The following MAPRE2 variants were observed in gnomAD, a reference collection of about 807,000 sequenced individuals.
MAPRE2 encodes microtubule associated protein RP/EB family member 2, also known as microtubule-associated protein RP/EB family member 2.
MAPRE2 carries 13 observed loss-of-function variants against 43.2 expected under a neutral mutation model. The ratio of observed to expected loss-of-function variants is 0.30; its 90% CI spans 0.20 to 0.48. The LOEUF is 0.48. MAPRE2 is among the 20% of genes least tolerant of loss of function. MAPRE2 has a pLI of 0.99. For synonymous variants in MAPRE2, 135 were observed against 148.8 expected, an observed-to-expected ratio of 0.91 and a Z score of 0.68; for missense variants, 161 against 400.2, an observed-to-expected ratio of 0.40 and a Z score of 5.10.
intron 6 of MAPRE2, among the ~76,000 whole-genome samples, chr18:35,133,787 A>G (rs1176775217): frequency 1.3e-5 from 2 of 152,184 alleles, no homozygotes; most frequent in Non-Finnish European, 2.9e-5. Flanking sequence ...ATTCCCGGCT[A>G]AGATAGGTGG....
At chr18:35,094,938 A>T (rs1271934150) in intron 2 of MAPRE2, among the ~76,000 whole-genome samples, 1 of 152,156 alleles carries the variant, frequency 6.6e-6, no homozygotes, top group African/African-American at 2.4e-5. Context: ...TATTGTTGTG[A>T]GGGAAAGGGA....
At chr18:35,023,261 C>T (rs1343970395) in intron 2 of MAPRE2, among the ~76,000 whole-genome samples, 1 of 151,790 alleles carries the variant, frequency 6.6e-6, no homozygotes, top group Non-Finnish European at 1.5e-5. Flanking sequence ...ACCTGTAATC[C>T]CAGCACTTTG....
intron 2 of MAPRE2, among the ~76,000 whole-genome samples, chr18:35,035,326 C>T (rs2097049985): frequency 8.0e-6 from 1 of 125,744 alleles, no homozygotes; most frequent in Admixed American, 1.0e-4. Flanking sequence ...AACACATGGA[C>T]AAAGGAGGGG....
intron 1 of MAPRE2, among the ~76,000 whole-genome samples, chr18:34,994,317 T>A (rs1205658137): frequency 1.3e-5 from 2 of 152,192 alleles, no homozygotes; most frequent in African/African-American, 4.8e-5. Context: ...AACAATCTTA[T>A]GAGCACTATT....
chr18:35,016,886 T>C (rs1188434609), intron 2 of MAPRE2, among the ~76,000 whole-genome samples: 4 of 152,080 alleles, frequency 2.6e-5, no homozygotes, highest in Non-Finnish European at 5.9e-5. Context: ...TCAAGGTCAA[T>C]GTCCAGAATG....
At chr18:35,063,196 T>C (rs533808720) in intron 1 of MAPRE2, among the ~76,000 whole-genome samples, 76 of 151,956 alleles carry the variant, frequency 5.0e-4, no homozygotes, top group Non-Finnish European at 9.0e-4. Flanking sequence ...CTCCACCTCC[T>C]GGGTTCACGC....
intron 1 of MAPRE2, among the ~76,000 whole-genome samples, chr18:35,069,506 T>G (rs539014052): frequency 6.6e-6 from 1 of 151,992 alleles, no homozygotes; most frequent in South Asian, 2.1e-4. Flanking sequence ...ACAAGGGGAG[T>G]TGATAGGAGT....
intron 1 of MAPRE2, among the ~76,000 whole-genome samples, chr18:35,048,783 A>G (rs1029664821): frequency 1.3e-5 from 2 of 150,310 alleles, no homozygotes; most frequent in Non-Finnish European, 3.0e-5. Flanking sequence ...ATGTGTTAAT[A>G]CTATATATAA....
intron 4 of MAPRE2, among the ~76,000 whole-genome samples, chr18:35,111,066 T>C (rs1395560095): frequency 6.6e-6 from 1 of 152,184 alleles, no homozygotes; most frequent in African/African-American, 2.4e-5. Flanking sequence ...TGGGACTTCA[T>C]TTATCCATAT....
intron 1 of MAPRE2, among the ~76,000 whole-genome samples, chr18:35,003,593 G>T (rs1156364576): frequency 6.6e-6 from 1 of 152,172 alleles, no homozygotes; most frequent in East Asian, 1.9e-4. Context: ...AATAGAAAAA[G>T]GCCAATTGTA....
intron 6 of MAPRE2, among the ~76,000 whole-genome samples, chr18:35,135,338 A>T (rs79414321): frequency 0.018 from 2,757 of 152,234 alleles, 75 homozygotes; most frequent in African/African-American, 0.059. Context: ...TATCCTGTGC[A>T]TGCATGACTC....
intron 1 of MAPRE2, among the ~76,000 whole-genome samples, chr18:35,068,588 C>T (rs1479999376): frequency 1.3e-5 from 2 of 152,202 alleles, no homozygotes; most frequent in African/African-American, 4.8e-5. Context: ...CTACTCATCA[C>T]TTTGAAAACT....
intron 2 of MAPRE2, among the ~76,000 whole-genome samples, chr18:35,093,657 A>G (rs963921760): frequency 1.3e-5 from 2 of 152,206 alleles, no homozygotes; most frequent in Non-Finnish European, 2.9e-5. Flanking sequence ...CGGTGAAATA[A>G]GCCAGGCACA....
chr18:35,060,258 T>G (rs183177906), intron 1 of MAPRE2, among the ~76,000 whole-genome samples: 2 of 151,926 alleles, frequency 1.3e-5, no homozygotes, highest in African/African-American at 4.8e-5. Flanking sequence ...AGAAGGCATA[T>G]GGTCAAGAAG....
At chr18:35,101,575 C>CT (rs1296690410) in intron 3 of MAPRE2, among the ~76,000 whole-genome samples, 1 of 152,206 alleles carries the variant, frequency 6.6e-6, no homozygotes, top group Admixed American at 6.5e-5. Flanking sequence ...TCCTTCTACT[C>CT]TCCATGCCTA....
At chr18:35,031,887 A>G (rs1201435556) in intron 2 of MAPRE2, among the ~76,000 whole-genome samples, 1 of 152,196 alleles carries the variant, frequency 6.6e-6, no homozygotes, top group Admixed American at 6.5e-5. Context: ...TTTTTAAAAT[A>G]AAATGCTATT....
At chr18:35,098,650 A>G (rs1338713772) in intron 3 of MAPRE2, among the ~76,000 whole-genome samples, 13 of 152,176 alleles carry the variant, frequency 8.5e-5, no homozygotes, top group Admixed American at 8.5e-4. Context: ...TTCCATATGT[A>G]TTTAAAACTA....
Position 35,070,182 on chromosome 18 carries a change from G to T in MAPRE2, c.123-13G>T, listed in dbSNP as rs757146289. On this transcript the variant is annotated splice_polypyrimidine_tract_variant and intron_variant, in intron 1 of 6. Transcript: ENST00000300249. Reference sequence around the variant, plus strand: ...ATTTCCTTGTTGTTAAATAAACTTTGTTTTTTTTCTAGTTGGGGAATGGCG... The same window carrying T: ...ATTTCCTTGTTGTTAAATAAACTTTTTTTTTTTTCTAGTTGGGGAATGGCG... The T allele has an allele frequency of 5.7e-6, 9 of 1,573,208 alleles. No individual in the cohort carries two copies. The highest frequency in any genetic ancestry group is 6.9e-6 in the Non-Finnish European group (8 of 1,164,130).
intron 2 of MAPRE2, among the ~76,000 whole-genome samples, chr18:35,032,044 C>A (rs778845080): frequency 6.6e-5 from 10 of 152,120 alleles, no homozygotes; most frequent in Non-Finnish European, 1.3e-4. Flanking sequence ...ATTTCAGTGC[C>A]GGTACCACTG....
Sources: gnomAD v4.1 joint callset for allele counts (sites outside exome capture counted in the v4.1 genomes callset) on GRCh38, gnomAD v4.1.1 for gene constraint, MANE v1.5 for transcripts, NCBI Gene and HGNC (gene_info 2026-07-23, HGNC 2026-07-21) for gene names.